The following ROR2 variants were observed in gnomAD, a reference collection of about 807,000 sequenced individuals.
The protein encoded by ROR2 is tyrosine-protein kinase transmembrane receptor ROR2.
A neutral mutation model predicts 74.9 loss-of-function variants in ROR2; 33 were observed. That is an observed-to-expected ratio of 0.44 (90% CI 0.33 to 0.59). The LOEUF (loss-of-function observed/expected upper bound fraction) is 0.59. Ranked by LOEUF, ROR2 falls within the 20% of genes least tolerant of loss-of-function variation. ROR2 has a pLI of 0.02. For synonymous variants in ROR2, 586 were observed against 558.7 expected (o/e 1.05, Z -0.69); for missense variants, 1,216 against 1,313.8 (o/e 0.93, Z 1.15).
At chr9:91,901,063 C>T (rs534149966) in intron 1 of ROR2, among the ~76,000 whole-genome samples, 3 of 152,110 alleles carry the variant, frequency 2.0e-5, no homozygotes, top group Non-Finnish European at 4.4e-5. Context: ...CCAGGAAGGT[C>T]GGGCAGAATC....
At chr9:91,824,231 A>G (rs1828218098) in intron 1 of ROR2, among the ~76,000 whole-genome samples, 1 of 152,270 alleles carries the variant, frequency 6.6e-6, no homozygotes, top group Non-Finnish European at 1.5e-5. Context: ...ACAAATGCTC[A>G]GAGCCACAAG....
intron 1 of ROR2, among the ~76,000 whole-genome samples, chr9:91,926,785 G>A (rs894416633): frequency 7.9e-5 from 12 of 152,220 alleles, no homozygotes; most frequent in South Asian, 2.1e-4. Flanking sequence ...GGTCCCCAGC[G>A]TAGTCAAATA....
chr9:91,812,695 G>T (rs1368309740), intron 1 of ROR2, among the ~76,000 whole-genome samples: 1 of 151,984 alleles, frequency 6.6e-6, no homozygotes, highest in African/African-American at 2.4e-5. Flanking sequence ...TCACACCCGT[G>T]GGACTTTCTG....
At position 91,724,328 on chromosome 9, in the gene ROR2, A is replaced by G. The variant is rs777262922; in HGVS notation, c.2166T>C (p.Tyr722=). The G allele has an allele frequency of 7.4e-6, 12 of 1,613,266 alleles. No individual in the cohort carries two copies. Among genetic ancestry groups the G allele is most frequent in the African/African-American group, 1.3e-5 (1 of 74,944 alleles). The change falls in exon 9 of 9, where the codon TAT becomes TAC. Residue 722 remains tyrosine, a synonymous_variant. Coordinates refer to ENST00000375708, the MANE Select transcript of ROR2 (RefSeq NM_004560.4). The part of the protein sequence containing the change: ...PCPDDCPAWV[Y]ALMIECWNEF... Reference sequence around the variant, plus strand: ...CGTTCCAGCACTCGATCATGAGGGCATACACCCAGGCGGGACAGTCATCGG... The same window carrying G: ...CGTTCCAGCACTCGATCATGAGGGCGTACACCCAGGCGGGACAGTCATCGG...
chr9:91,926,367 AGC>A (rs1203747671), intron 1 of ROR2, among the ~76,000 whole-genome samples: 1 of 146,776 alleles, frequency 6.8e-6, no homozygotes. Context: ...TGGGCGACAG[AGC>A]AAGACTCCGT....
intron 1 of ROR2, among the ~76,000 whole-genome samples, chr9:91,778,588 C>G (rs1587710341): frequency 6.6e-6 from 1 of 152,158 alleles, no homozygotes; most frequent in South Asian, 2.1e-4. Context: ...AAAAGAGATT[C>G]TGAGAGGAGA....
At chr9:91,735,605 ACTTTTTTT>A (rs1824990210) in intron 5 of ROR2, among the ~76,000 whole-genome samples, 1 of 101,862 alleles carries the variant, frequency 9.8e-6, no homozygotes, top group African/African-American at 3.5e-5. Flanking sequence ...AAGGGCTCTA[ACTTTTTTT>A]TTTTTTTTTT....
chr9:91,809,392 C>A (rs1395942368), intron 1 of ROR2, among the ~76,000 whole-genome samples: 1 of 152,238 alleles, frequency 6.6e-6, no homozygotes. Context: ...GCACCAGGCA[C>A]ACAGCTTTTC....
At chr9:91,846,722 T>C (rs1470804607) in intron 1 of ROR2, among the ~76,000 whole-genome samples, 1 of 152,102 alleles carries the variant, frequency 6.6e-6, no homozygotes, top group Non-Finnish European at 1.5e-5. Flanking sequence ...AAGCACCCTC[T>C]GCGGTGGTCC....
chr9:91,893,114 A>G (rs1830462806), intron 1 of ROR2, among the ~76,000 whole-genome samples: 1 of 152,154 alleles, frequency 6.6e-6, no homozygotes, highest in Non-Finnish European at 1.5e-5. Flanking sequence ...AGACAAGGAC[A>G]TTCCAGCATG....
chr9:91,723,464 T>G lies in ROR2; in HGVS notation c.*198A>C. ...CGTGCTGCCAGACCCCCTGCCTGGC[T>G]TGGGTGCTCCTAGGCAGGGCAGCTC... is the stretch of plus-strand genomic sequence containing the variant. On this transcript the variant is annotated 3_prime_UTR_variant, in exon 9 of 9. Transcript: ENST00000375708. 1 of 785,186 alleles carries G rather than the reference T, an allele frequency of 1.3e-6. No homozygotes were observed. The highest frequency in any genetic ancestry group is 2.0e-6 in the Non-Finnish European group (1 of 503,792). The allele number at this position is 785,186 out of a possible 1,614,324, so 48.6% of individuals were successfully genotyped here.
chr9:91,947,686 A>G (rs1371316637), intron 1 of ROR2, among the ~76,000 whole-genome samples: 1 of 152,160 alleles, frequency 6.6e-6, no homozygotes, highest in Non-Finnish European at 1.5e-5. Context: ...TATAGTCCCA[A>G]ATCAGTATTT....
At chr9:91,818,452 C>T (rs934821120) in intron 1 of ROR2, among the ~76,000 whole-genome samples, 8 of 139,586 alleles carry the variant, frequency 5.7e-5, no homozygotes, top group Non-Finnish European at 7.8e-5. Context: ...CCGCCCACCA[C>T]GCCCCCCCAC....
At position 91,930,257 on chromosome 9, in the gene ROR2, C is replaced by T. The variant is rs142707560; in HGVS notation, c.97+19610G>A. 1.2e-3 allele frequency among the ~76,000 whole-genome samples: 187 copies of T among 152,316 alleles called. 2 individuals carry two copies. The highest frequency in any genetic ancestry group is 4.1e-3 in the African/African-American group (172 of 41,570). On this transcript the variant is annotated intron_variant, in intron 1 of 8. Coordinates refer to ENST00000375708, the MANE Select transcript of ROR2 (RefSeq NM_004560.4). ...TTGCTCTTTCCTGTTCTGTTAATAACGCTTCCCACCTTTGCTGTGCAAACT... is the reference window on the plus strand; with the variant it reads ...TTGCTCTTTCCTGTTCTGTTAATAATGCTTCCCACCTTTGCTGTGCAAACT...
chr9:91,803,438 G>A (rs1827454544), intron 1 of ROR2, among the ~76,000 whole-genome samples: 1 of 152,212 alleles, frequency 6.6e-6, no homozygotes. Context: ...CTGCTATGCA[G>A]GATGAAAACA....
chr9:91,750,020 G>T (rs376860152), intron 4 of ROR2, among the ~76,000 whole-genome samples: 1 of 152,054 alleles, frequency 6.6e-6, no homozygotes. Flanking sequence ...TCCTGTCTCC[G>T]CCTCCCAAGT....
intron 1 of ROR2, among the ~76,000 whole-genome samples, chr9:91,936,541 T>C (rs2118003424): frequency 6.6e-6 from 1 of 152,328 alleles, no homozygotes; most frequent in Non-Finnish European, 1.5e-5. Context: ...CCAAATAAGG[T>C]TACATTCTGA....
At chr9:91,885,128 T>G (rs1830234430) in intron 1 of ROR2, among the ~76,000 whole-genome samples, 1 of 152,164 alleles carries the variant, frequency 6.6e-6, no homozygotes, top group African/African-American at 2.4e-5. Flanking sequence ...CTCCAAAATA[T>G]TCTCTGGAAG....
chr9:91,948,663 A>T, intron 1 of ROR2: 1 of 985,510 alleles, frequency 1.0e-6, no homozygotes, highest in Non-Finnish European at 1.2e-6. Flanking sequence ...TCCCAGCAGG[A>T]CGCAGGAAAA....
Sources: allele counts gnomAD v4.1 joint callset (sites outside exome capture counted in the v4.1 genomes callset), GRCh38; gene constraint gnomAD v4.1.1; transcripts MANE v1.5; gene names NCBI Gene and HGNC (gene_info 2026-07-23, HGNC 2026-07-21).